Variants in LRRIQ3 observed in about 807,000 individuals in gnomAD.
LRRIQ3 encodes leucine-rich repeat and IQ domain-containing protein 3.
Under a neutral mutation model 59.3 loss-of-function variants are expected in LRRIQ3, and 75 were observed. The ratio of observed to expected loss-of-function variants is 1.26; its 90% CI spans 1.05 to 1.53. The LOEUF (loss-of-function observed/expected upper bound fraction) is 1.53, where lower values mean the gene tolerates loss of function less well. Ranked by LOEUF, LRRIQ3 falls within the 40% of genes most tolerant of loss-of-function variation. LRRIQ3 has a pLI of 0.00. For missense variants in LRRIQ3, 831 were observed against 710.0 expected, an observed-to-expected ratio of 1.17 and a Z score of -1.94; for synonymous variants, 250 against 231.3, an observed-to-expected ratio of 1.08 and a Z score of -0.73.
intron 3 of LRRIQ3, among the ~76,000 whole-genome samples, chr1:74,166,125 A>C (rs1469587640): frequency 6.6e-6 from 1 of 151,600 alleles, no homozygotes; most frequent in Non-Finnish European, 1.5e-5. Flanking sequence ...AATATATTGT[A>C]CAGAATTGGT....
intron 5 of LRRIQ3, among the ~76,000 whole-genome samples, chr1:74,088,958 C>T: frequency 6.6e-6 from 1 of 151,850 alleles, no homozygotes; most frequent in East Asian, 1.9e-4. Flanking sequence ...AGAATTCTCA[C>T]AACTCAATAA....
At chr1:74,180,549 G>A (rs1649914378) in intron 3 of LRRIQ3, 6 of 564,226 alleles carry the variant, frequency 1.1e-5, no homozygotes, top group Non-Finnish European at 1.8e-5. Context: ...TGTTAAATAA[G>A]TTCTTTTCTG....
chr1:74,096,897 G>T (rs534906682), intron 5 of LRRIQ3, among the ~76,000 whole-genome samples: 1 of 152,236 alleles, frequency 6.6e-6, no homozygotes, highest in African/African-American at 2.4e-5. Context: ...CTGCCTGATC[G>T]TTCCTCTGGA....
At chr1:74,185,942 C>T (rs888489929) in intron 1 of LRRIQ3, among the ~76,000 whole-genome samples, 4 of 151,688 alleles carry the variant, frequency 2.6e-5, no homozygotes, top group South Asian at 2.1e-4. Context: ...AAACCAACAC[C>T]GATCAACATG....
intron 3 of LRRIQ3, among the ~76,000 whole-genome samples, chr1:74,179,093 G>C (rs1345880365): frequency 3.3e-5 from 5 of 151,956 alleles, no homozygotes; most frequent in Non-Finnish European, 7.4e-5. Context: ...TAAACAAAAC[G>C]CAATACTGGC....
intron 6 of LRRIQ3, among the ~76,000 whole-genome samples, chr1:74,043,123 A>G (rs566609455): frequency 2.6e-5 from 4 of 152,128 alleles, no homozygotes; most frequent in Non-Finnish European, 5.9e-5. Context: ...TGTTGTTTGC[A>G]TATTTACTTT....
intron 5 of LRRIQ3, among the ~76,000 whole-genome samples, chr1:74,093,335 T>C (rs1435792618): frequency 6.6e-6 from 1 of 152,106 alleles, no homozygotes; most frequent in Non-Finnish European, 1.5e-5. Context: ...ATGTGTTTAC[T>C]CTATTTCAAA....
intron 5 of LRRIQ3, among the ~76,000 whole-genome samples, chr1:74,099,509 C>A (rs1336823481): frequency 3.3e-5 from 5 of 152,134 alleles, no homozygotes; most frequent in Non-Finnish European, 7.3e-5. Context: ...CCTTCTGAAA[C>A]TATTCCAATC....
At chr1:74,053,092 T>C (rs563724305) in intron 6 of LRRIQ3, among the ~76,000 whole-genome samples, 3 of 150,374 alleles carry the variant, frequency 2.0e-5, no homozygotes, top group African/African-American at 7.3e-5. Flanking sequence ...AGTCAACTTA[T>C]CTTTAACAAA....
intron 6 of LRRIQ3, among the ~76,000 whole-genome samples, chr1:74,068,292 C>T (rs1654923789): frequency 6.6e-6 from 1 of 152,006 alleles, no homozygotes. Flanking sequence ...TTCTTTATTT[C>T]TCATCTAAGA....
intron 6 of LRRIQ3, among the ~76,000 whole-genome samples, chr1:74,070,408 A>G (rs927795179): frequency 6.6e-6 from 1 of 152,068 alleles, no homozygotes; most frequent in Admixed American, 6.6e-5. Context: ...TCTCACTTAT[A>G]AGTGGGAGCT....
At chr1:74,074,549 C>A in intron 6 of LRRIQ3, 112 bp downstream of exon 6, 1 of 422,022 alleles carries the variant, frequency 2.4e-6, no homozygotes, top group Non-Finnish European at 3.9e-6. Flanking sequence ...ACATATATTT[C>A]ATAGACTTTT....
intron 1 of LRRIQ3, among the ~76,000 whole-genome samples, chr1:74,188,105 A>C (rs1000152690): frequency 6.6e-6 from 1 of 152,202 alleles, no homozygotes; most frequent in African/African-American, 2.4e-5. Flanking sequence ...GAATGAGATC[A>C]TGTCCTTTAC....
Position 74,138,543 on chromosome 1 carries a change from G to A in LRRIQ3, c.707+17190C>T, listed in dbSNP as rs967250657. The A allele has an allele frequency of 4.5e-5, 43 of 964,164 alleles. No individual in the cohort carries two copies. The African/African-American group carries it at 6.5e-4, about 15-fold the overall frequency. 59.7% of individuals were successfully genotyped at this position (964,164 alleles called of 1,614,324 possible). ...TATGAGAAACAAAAGGAGAAAAACT[G>A]CAAGTGGAACTCTTCAGGAGAGTGA... On this transcript the variant is annotated intron_variant, in intron 4 of 7. Coordinates refer to ENST00000354431, the MANE Select transcript of LRRIQ3 (RefSeq NM_001105659.2).
intron 1 of LRRIQ3, among the ~76,000 whole-genome samples, chr1:74,196,292 T>G (rs1199094436): frequency 6.6e-6 from 1 of 152,156 alleles, no homozygotes; most frequent in African/African-American, 2.4e-5. Context: ...TACCACTGGA[T>G]TTTTTATTTG....
At position 74,092,783 on chromosome 1, in the gene LRRIQ3, GA is replaced by G. The variant is rs1198920179; in HGVS notation, c.867+16610del. Among the ~76,000 whole-genome samples the G allele has an allele frequency of 2.0e-5, 3 of 152,104 alleles. No homozygotes were observed. The East Asian group carries it at 5.8e-4, about 29-fold the overall frequency. On this transcript the variant is annotated intron_variant, in intron 5 of 7. Coordinates refer to ENST00000354431, the MANE Select transcript of LRRIQ3 (RefSeq NM_001105659.2). ...TAGTGATTCAGGGCCTTGTGTAGGT[GA>G]AAAAACCAACATCTCGTTCCTCAAA...
intron 6 of LRRIQ3, among the ~76,000 whole-genome samples, chr1:74,062,055 A>G (rs1415230755): frequency 1.3e-5 from 2 of 152,082 alleles, no homozygotes; most frequent in Non-Finnish European, 2.9e-5. Flanking sequence ...AAATTGACCA[A>G]TGGGACCTAA....
At chr1:74,054,449 G>A (rs1006651387) in intron 6 of LRRIQ3, among the ~76,000 whole-genome samples, 9 of 152,004 alleles carry the variant, frequency 5.9e-5, no homozygotes, top group African/African-American at 1.9e-4. Context: ...ATGATACCGC[G>A]ATGTTGGATA....
chr1:74,182,497 T>C, intron 3 of LRRIQ3, 41 bp downstream of exon 3: 1 of 1,327,168 alleles, frequency 7.5e-7, no homozygotes, highest in East Asian at 2.5e-5. Flanking sequence ...ATTTCCCTTT[T>C]ATACATTTAA....
Sources: allele counts gnomAD v4.1 joint callset (sites outside exome capture counted in the v4.1 genomes callset), GRCh38; gene constraint gnomAD v4.1.1; transcripts MANE v1.5; gene names NCBI Gene and HGNC (gene_info 2026-07-23, HGNC 2026-07-21).